LMOD1: variants seen among roughly 807,000 people sequenced by gnomAD.
LMOD1 encodes the protein leiomodin-1.
A neutral mutation model predicts 36.5 loss-of-function variants in LMOD1; 8 were observed. The ratio of observed to expected loss-of-function variants is 0.22; its 90% CI spans 0.13 to 0.40. LMOD1 has a LOEUF of 0.40. Among genes scored for constraint, LMOD1 ranks in the 10% least tolerant of loss-of-function variants. LMOD1 has a pLI of 1.00. For synonymous variants in LMOD1, 284 were observed against 288.7 expected (o/e 0.98, Z 0.17); for missense variants, 630 against 751.1 (o/e 0.84, Z 1.88).
At chr1:201,926,590 G>A (rs1054515147) in intron 1 of LMOD1, among the ~76,000 whole-genome samples, 2 of 152,142 alleles carry the variant, frequency 1.3e-5, no homozygotes, top group African/African-American at 2.4e-5. Flanking sequence ...TTAGTGACAT[G>A]GGAAAAGCAA....
intron 1 of LMOD1, among the ~76,000 whole-genome samples, chr1:201,914,295 C>T (rs908396364): frequency 6.6e-6 from 1 of 152,202 alleles, no homozygotes; most frequent in African/African-American, 2.4e-5. Context: ...AACCCTAACA[C>T]TCACAAGTGG....
intron 1 of LMOD1, among the ~76,000 whole-genome samples, chr1:201,902,724 C>T (rs1450535504): frequency 1.3e-5 from 2 of 152,142 alleles, no homozygotes; most frequent in Non-Finnish European, 2.9e-5. Context: ...GGATTACAGG[C>T]GTGAGCCGCC....
At chr1:201,898,514 G>T in intron 2 of LMOD1, 116 bp from the exon 3 acceptor site, 1 of 877,816 alleles carries the variant, frequency 1.1e-6, no homozygotes, top group Non-Finnish European at 1.7e-6. Context: ...ATGTGAATGA[G>T]GTGTTGACAC....
chr1:201,907,303 C>T (rs1018441546), intron 1 of LMOD1, among the ~76,000 whole-genome samples: 4 of 152,172 alleles, frequency 2.6e-5, no homozygotes, highest in Admixed American at 1.3e-4. Flanking sequence ...GGGATCCTCA[C>T]TGGGTTGTAA....
chr1:201,899,920 C>T lies in LMOD1; in HGVS notation c.1093G>A (p.Ala365Thr), dbSNP rs372721398. 1.1e-5 allele frequency: 17 copies of T among 1,613,836 alleles called. No individual in the cohort carries two copies. Among genetic ancestry groups the T allele is most frequent in the Non-Finnish European group, 1.1e-5 (13 of 1,179,836 alleles). The change falls in exon 2 of 3, where the codon GCC becomes ACC. Residue 365 changes from alanine (A) to threonine (T), a missense_variant. Around this residue, in one of 3 missense-constraint regions of LMOD1, gnomAD observed 81 missense variants for 180.6 expected, o/e 0.45. Coordinates refer to ENST00000367288, the MANE Select transcript of LMOD1 (RefSeq NM_012134.3). This position sits in a 1 kb window ranked among gnomAD's most constrained non-coding sequence, Gnocchi z 6.3. ...LEFNTVVKLF[A>T]LANTRADDHV... ...TCATCGGCTCGCGTGTTGGCCAAGG[C>T]GAACAGCTTAACCACAGTGTTGAAC...
intron 1 of LMOD1, among the ~76,000 whole-genome samples, chr1:201,935,305 G>GTGAATTTGA (rs1022075025): frequency 6.6e-6 from 1 of 150,800 alleles, no homozygotes; most frequent in African/African-American, 2.4e-5. Flanking sequence ...AAGCTATTTG[G>GTGAATTTGA]TGAATTTGAT....
intron 2 of LMOD1, 90 bp from the exon 3 acceptor site, chr1:201,898,488 A>G: frequency 3.5e-6 from 4 of 1,133,166 alleles, no homozygotes; most frequent in Non-Finnish European, 5.0e-6. Context: ...ACACTGCAAT[A>G]TGTTATGTCT....
intron 1 of LMOD1, among the ~76,000 whole-genome samples, chr1:201,913,998 CTT>C (rs1681556906): frequency 6.6e-6 from 1 of 152,298 alleles, no homozygotes; most frequent in South Asian, 2.1e-4. Context: ...GCTTTCAACT[CTT>C]TGGGAGTGTA....
At chr1:201,929,334 G>A (rs1044038664) in intron 1 of LMOD1, among the ~76,000 whole-genome samples, 12 of 151,868 alleles carry the variant, frequency 7.9e-5, no homozygotes, top group Admixed American at 3.3e-4. Context: ...CACCTGACTC[G>A]GCATACCAAA....
chr1:201,898,494 T>A, intron 2 of LMOD1, 96 bp from the exon 3 acceptor site: 3 of 1,106,244 alleles, frequency 2.7e-6, no homozygotes, highest in Non-Finnish European at 3.8e-6. Context: ...CAATATGTTA[T>A]GTCTGTGGAA....
chr1:201,922,907 C>T (rs1310529986), intron 1 of LMOD1, among the ~76,000 whole-genome samples: 1 of 151,990 alleles, frequency 6.6e-6, no homozygotes, highest in East Asian at 1.9e-4. Context: ...TCACTGCAAC[C>T]TTCGCTTCCT....
Position 201,899,158 on chromosome 1 carries a change from C to T in LMOD1, c.1776+79G>A. On this transcript the variant is annotated intron_variant, in intron 2 of 2. Coordinates refer to ENST00000367288, the MANE Select transcript of LMOD1 (RefSeq NM_012134.3). The surrounding 1 kb of genome is among the most constrained non-coding windows in gnomAD (Gnocchi z 6.3). Reference sequence around the variant, plus strand: ...CAGCCGACATAAGCTCCTCTGCATGCCTTCCCTTTTGCAGTCCTACCCTCT... The same window carrying T: ...CAGCCGACATAAGCTCCTCTGCATGTCTTCCCTTTTGCAGTCCTACCCTCT... 1 of 1,308,586 alleles carries T rather than the reference C, an allele frequency of 7.6e-7. No individual in the cohort carries two copies. Among genetic ancestry groups the T allele is most frequent in the African/African-American group, 1.5e-5 (1 of 67,292 alleles). The allele number at this position is 1,308,586 out of a possible 1,614,324, so 81.1% of individuals were successfully genotyped here. A position where few individuals can be genotyped will look rare whatever the true frequency, so the allele number is the denominator to read the frequency against.
chr1:201,912,483 T>C (rs1346625373), intron 1 of LMOD1, among the ~76,000 whole-genome samples: 1 of 152,004 alleles, frequency 6.6e-6, no homozygotes, highest in Non-Finnish European at 1.5e-5. Flanking sequence ...TGAAATATGG[T>C]TTATTACTGA....
chr1:201,901,568 ATATATATATATATATACATATATATATG>A (rs1558234706), intron 1 of LMOD1, among the ~76,000 whole-genome samples: 9 of 12,458 alleles, frequency 7.2e-4, no homozygotes, highest in South Asian at 1.9e-3. Context: ...ATATATGTAT[ATATATATATATATATACATATATATATG>A]TATATATATA....
chr1:201,923,977 AAAG>A (rs1319053697), intron 1 of LMOD1, among the ~76,000 whole-genome samples: 2 of 151,498 alleles, frequency 1.3e-5, no homozygotes, highest in South Asian at 2.1e-4. Context: ...AAAGGAAAGA[AAAG>A]AAAGAAAAAG....
At chr1:201,944,838 G>A (rs1682175756) in intron 1 of LMOD1, among the ~76,000 whole-genome samples, 1 of 152,078 alleles carries the variant, frequency 6.6e-6, no homozygotes, top group East Asian at 1.9e-4. Context: ...AGTCAGGGCT[G>A]TGTCCACCAA....
intron 1 of LMOD1, among the ~76,000 whole-genome samples, chr1:201,918,061 C>T (rs373245910): frequency 1.4e-4 from 22 of 152,192 alleles, no homozygotes; most frequent in African/African-American, 4.6e-4. Context: ...TTTCATTTTG[C>T]GCTAAGCCCT....
chr1:201,940,335 C>T (rs1571594041), intron 1 of LMOD1, among the ~76,000 whole-genome samples: 1 of 151,058 alleles, frequency 6.6e-6, no homozygotes, highest in Admixed American at 6.6e-5. Flanking sequence ...TACAGGCATG[C>T]GCCACCACAC....
rs868097221 is a variant in LMOD1 at position 201,899,508 on chromosome 1, C to A, written c.1505G>T (p.Gly502Val). Residue 502 changes from glycine to valine, a missense_variant, in exon 2 of 3, where the codon GGG becomes GTG. Around this residue, in one of 3 missense-constraint regions of LMOD1, gnomAD observed 144 missense variants for 169.8 expected, o/e 0.85. Coordinates refer to ENST00000367288, the MANE Select transcript of LMOD1 (RefSeq NM_012134.3). The surrounding 1 kb of genome is among the most constrained non-coding windows in gnomAD (Gnocchi z 6.3). ...TTTTGGGGAGCCCTTAGCCACGGCCCCGGCCTTGGGTACCTCCAGCAGATC... is the reference window on the plus strand; with the variant it reads ...TTTTGGGGAGCCCTTAGCCACGGCCACGGCCTTGGGTACCTCCAGCAGATC... ...KKDLLEVPKAGAVAKGSPKPS... is the reference protein window; with the variant it reads ...KKDLLEVPKAVAVAKGSPKPS... The A allele has an allele frequency of 2.5e-6, 4 of 1,613,954 alleles. No homozygotes were observed. The highest frequency in any genetic ancestry group is 2.5e-6 in the Non-Finnish European group (3 of 1,179,890).
Sources: gnomAD v4.1 joint callset for allele counts (sites outside exome capture counted in the v4.1 genomes callset) on GRCh38, gnomAD v4.1.1 for gene constraint, gnomAD v4.1.1 regional missense constraint, Gnocchi (gnomAD v3.1) non-coding constraint, MANE v1.5 for transcripts, NCBI Gene and HGNC (gene_info 2026-07-23, HGNC 2026-07-21) for gene names.